The following CGNL1 variants were observed in gnomAD, a reference collection of about 807,000 sequenced individuals.
The protein encoded by CGNL1 is cingulin-like protein 1.
Under a neutral mutation model 141.2 loss-of-function variants are expected in CGNL1, and 132 were observed. The ratio of observed to expected loss-of-function variants is 0.93; its 90% CI spans 0.81 to 1.08. The LOEUF is 1.08. Among genes scored for constraint, CGNL1 ranks in the 50% least tolerant of loss-of-function variants. The probability of loss-of-function intolerance (pLI) is 0.00; values close to 1 mark genes in which losing one functional copy is unlikely to be tolerated. For missense variants in CGNL1, 1,870 were observed against 1,588.6 expected, an observed-to-expected ratio of 1.18 and a Z score of -3.01; for synonymous variants, 690 against 622.1, an observed-to-expected ratio of 1.11 and a Z score of -1.63.
intron 1 of CGNL1, among the ~76,000 whole-genome samples, chr15:57,384,347 A>G (rs1233011611): frequency 6.6e-6 from 1 of 152,172 alleles, no homozygotes; most frequent in African/African-American, 2.4e-5. Flanking sequence ...CCCATCCTAG[A>G]GCTTTTACTA....
chr15:57,390,648 A>G (rs2062532459), intron 1 of CGNL1, among the ~76,000 whole-genome samples: 1 of 152,122 alleles, frequency 6.6e-6, no homozygotes, highest in Non-Finnish European at 1.5e-5. Context: ...ACCTAGGCTG[A>G]CTGGGTGAAA....
intron 13 of CGNL1, among the ~76,000 whole-genome samples, chr15:57,529,559 A>AATAC (rs1308565312): frequency 7.3e-6 from 1 of 137,924 alleles, no homozygotes; most frequent in African/African-American, 2.9e-5. Context: ...AACCCCCAGA[A>AATAC]ACACACACAC....
At position 57,382,744 on chromosome 15, in the gene CGNL1, C is replaced by T. The variant is rs572737925; in HGVS notation, c.-16+6177C>T. Among the ~76,000 whole-genome samples, 8 of 152,234 alleles carry T rather than the reference C, an allele frequency of 5.3e-5. No homozygotes were observed. The East Asian group carries it at 1.2e-3, about 22-fold the overall frequency. The stretch of plus-strand genomic sequence containing the variant: ...TTATAGTCCACATAGGGAAGAGGAA[C>T]GACTGTGACCAGGACTATCCAGGAA... On this transcript the variant is annotated intron_variant, in intron 1 of 18. Transcript: ENST00000281282.
intron 8 of CGNL1, among the ~76,000 whole-genome samples, chr15:57,469,635 T>G (rs904729047): frequency 6.6e-6 from 1 of 152,170 alleles, no homozygotes; most frequent in Admixed American, 6.5e-5. Flanking sequence ...ATACTGTAAA[T>G]TCTTTCTGCC....
At chr15:57,534,324 G>A (rs530074757) in intron 14 of CGNL1, among the ~76,000 whole-genome samples, 178 of 152,324 alleles carry the variant, frequency 1.2e-3, no homozygotes, top group African/African-American at 4.2e-3. Flanking sequence ...TCACATGGAC[G>A]TAGGAATTGG....
At chr15:57,523,385 G>A (rs1249120995) in intron 10 of CGNL1, 104 bp from the exon 11 acceptor site, 1 of 933,202 alleles carries the variant, frequency 1.1e-6, no homozygotes, top group Admixed American at 2.3e-5. Flanking sequence ...GGATTTAACA[G>A]ATCTGATTGC....
At chr15:57,496,968 A>G (rs2063947660) in intron 8 of CGNL1, among the ~76,000 whole-genome samples, 1 of 152,196 alleles carries the variant, frequency 6.6e-6, no homozygotes, top group Non-Finnish European at 1.5e-5. Context: ...GAGTCCGGCA[A>G]TGCTGAGAAG....
chr15:57,390,837 T>A (rs1706390), intron 1 of CGNL1, among the ~76,000 whole-genome samples: 1 of 151,876 alleles, frequency 6.6e-6, no homozygotes, highest in Non-Finnish European at 1.5e-5. Context: ...TTCTTCGGGT[T>A]AGCCATCATG....
At chr15:57,404,940 C>G (rs1218957788) in intron 1 of CGNL1, 1 of 152,166 alleles carries the variant, frequency 6.6e-6, no homozygotes, top group East Asian at 1.9e-4. Flanking sequence ...TAAGAAATCA[C>G]TTGACCTTTC....
In CGNL1 at chr15:57,495,477, G is replaced by A. The variant is rs144546834; in HGVS notation, c.2404-21303G>A. On this transcript the variant is annotated intron_variant, in intron 8 of 18. Transcript: ENST00000281282. ...TTTAAAATCAAATGTCTCGTAAAAT[G>A]TGAATTTCTGGTTTTATACCTGCAA... 1.3e-3 allele frequency among the ~76,000 whole-genome samples: 200 copies of A among 152,260 alleles called. 1 individual carries two copies. The highest frequency in any genetic ancestry group is 4.6e-3 in the African/African-American group (193 of 41,542).
chr15:57,447,057 C>T (rs2063262013), intron 4 of CGNL1, among the ~76,000 whole-genome samples: 1 of 152,106 alleles, frequency 6.6e-6, no homozygotes, highest in South Asian at 2.1e-4. Flanking sequence ...AGAAAAGCCT[C>T]TAGGAATTTT....
intron 7 of CGNL1, among the ~76,000 whole-genome samples, chr15:57,460,522 A>T (rs61998128): frequency 0.041 from 6,236 of 152,286 alleles, 185 homozygotes; most frequent in Non-Finnish European, 0.066. Context: ...GGTAATTTAT[A>T]AACAAAGGAG....
chr15:57,394,236 G>T (rs1212486818), intron 1 of CGNL1: 1 of 152,290 alleles, frequency 6.6e-6, no homozygotes, highest in East Asian at 1.9e-4. Context: ...GGGTTCAAGC[G>T]ATTCTCCTGC....
chr15:57,470,479 G>A (rs1259748541), intron 8 of CGNL1, among the ~76,000 whole-genome samples: 2 of 151,956 alleles, frequency 1.3e-5, no homozygotes, highest in African/African-American at 4.8e-5. Context: ...AACTCTGGGG[G>A]GCTGGGTAAT....
At chr15:57,411,207 C>T (rs539004512) in intron 1 of CGNL1, among the ~76,000 whole-genome samples, 2 of 152,230 alleles carry the variant, frequency 1.3e-5, no homozygotes, top group South Asian at 4.1e-4. Flanking sequence ...TTTTAGAATA[C>T]GAGCTTATTT....
intron 8 of CGNL1, among the ~76,000 whole-genome samples, chr15:57,473,989 C>T (rs183489793): frequency 2.1e-5 from 3 of 143,120 alleles, no homozygotes; most frequent in African/African-American, 5.1e-5. Flanking sequence ...GGCTCAGTTG[C>T]AACCTCTCCC....
At chr15:57,483,370 G>A (rs1392711067) in intron 8 of CGNL1, among the ~76,000 whole-genome samples, 1 of 151,914 alleles carries the variant, frequency 6.6e-6, no homozygotes, top group Non-Finnish European at 1.5e-5. Context: ...TTCATTGCTA[G>A]TATACAGAAA....
At chr15:57,452,063 C>A in intron 5 of CGNL1, 78 bp from the exon 6 acceptor site, 2 of 1,300,732 alleles carry the variant, frequency 1.5e-6, no homozygotes, top group Non-Finnish European at 2.1e-6. Context: ...ATGGAGTCTG[C>A]TTGTTGAGAA....
rs2063119808 is a variant in CGNL1, at chr15:57,437,568, C to G, written c.-15-417C>G. ...TCTCAAATGCTGGTAACTGGAACAT[C>G]CTATTGGTTAAAAATAAACAGCATA... On this transcript the variant is annotated intron_variant, in intron 1 of 18. Transcript: ENST00000281282. Among the ~76,000 whole-genome samples, 4 of 130,584 alleles carry G rather than the reference C, an allele frequency of 3.1e-5. No individual in the cohort carries two copies. In the East Asian group the frequency reaches 6.9e-4, roughly 23 times the overall value. 85.7% of individuals were successfully genotyped at this position (130,584 alleles called of 152,430 possible). A position where few individuals can be genotyped will look rare whatever the true frequency, so the allele number is the denominator to read the frequency against.
Sources: gnomAD v4.1 joint callset for allele counts (sites outside exome capture counted in the v4.1 genomes callset) on GRCh38, gnomAD v4.1.1 for gene constraint, MANE v1.5 for transcripts, NCBI Gene and HGNC (gene_info 2026-07-23, HGNC 2026-07-21) for gene names.